MRPL44: variants seen among roughly 807,000 people sequenced by gnomAD.
The protein encoded by MRPL44 is large ribosomal subunit protein mL44.
A neutral mutation model predicts 25.9 loss-of-function variants in MRPL44; 21 were observed. The observed-to-expected ratio is 0.81, with a 90% confidence interval of 0.58 to 1.17. MRPL44 has a LOEUF of 1.17. Among genes scored for constraint, MRPL44 ranks in the 50% most tolerant of loss-of-function variants. MRPL44 has a pLI of 0.00. For synonymous variants in MRPL44, 169 were observed against 151.0 expected (o/e 1.12, Z -0.87); for missense variants, 410 against 398.9 (o/e 1.03, Z -0.24).
chr2:223,966,698 A>G (rs1689746320), intron 3 of MRPL44, among the ~76,000 whole-genome samples, 165 bp from the exon 4 acceptor site: 1 of 152,234 alleles, frequency 6.6e-6, no homozygotes. Flanking sequence ...ATGAACTTGC[A>G]ACAAATCTAG....
chr2:223,957,627 G>C lies in MRPL44; in HGVS notation c.155G>C (p.Arg52Pro), dbSNP rs1689592364. The change falls in exon 1 of 4, where the codon CGG becomes CCG. Residue 52 changes from arginine (R) to proline (P), a missense_variant. Arg to Pro is a moderately radical substitution (Grantham distance 103). Coordinates refer to ENST00000258383, the MANE Select transcript of MRPL44 (RefSeq NM_022915.5). ...GAGTTAGAGCGGCAGCGCCTTCTGC[G>C]GTGCCCGCCGCCGCCCGTGCGCCGG... is the stretch of plus-strand genomic sequence containing the variant. ...QKELERQRLL[R>P]CPPPPVRRSE... is the part of the protein sequence containing the mutation. The C allele has an allele frequency of 1.2e-6, 2 of 1,609,350 alleles. No homozygotes were observed. The highest frequency in any genetic ancestry group is 1.7e-5 in the Admixed American group (1 of 59,940).
At chr2:223,951,363 TGTG>T in the MRPL44 span, among the ~76,000 whole-genome samples, 4 of 152,208 alleles carry the variant, frequency 2.6e-5, no homozygotes, top group Non-Finnish European at 5.9e-5. Context: ...TAAGAAATTT[TGTG>T]GTGATTTCTT....
rs1213464838 is a variant in MRPL44, at chr2:223,957,531, T to C, written c.59T>C (p.Val20Ala). 6.2e-7 allele frequency: 1 copy of C among 1,614,098 alleles called. No homozygotes were observed. Among genetic ancestry groups the C allele is most frequent in the African/African-American group, 1.3e-5 (1 of 75,080 alleles). Residue 20 changes from valine (V) to alanine (A), a missense_variant, in exon 1 of 4, where the codon GTC becomes GCC. By Grantham distance (64) the Val-to-Ala change is moderately conservative. Transcript: ENST00000258383. ...GGACATCGCTGCCTCCTGGCTCCAGTCGCCCCCAAGCTGGTCCCTCCGGTT... is the reference window on the plus strand; with the variant it reads ...GGACATCGCTGCCTCCTGGCTCCAGCCGCCCCCAAGCTGGTCCCTCCGGTT... ...QQGHRCLLAP[V>A]APKLVPPVRG... is the part of the protein sequence containing the mutation.
chr2:223,964,617 CTT>C (rs1329381737), intron 3 of MRPL44, among the ~76,000 whole-genome samples: 6 of 152,120 alleles, frequency 3.9e-5, no homozygotes, highest in Non-Finnish European at 8.8e-5. Context: ...GTGAGATACT[CTT>C]TGTTACTTAC....
intron 3 of MRPL44, among the ~76,000 whole-genome samples, 182 bp from the exon 4 acceptor site, chr2:223,966,681 A>G (rs1465999774): frequency 2.0e-5 from 3 of 152,260 alleles, no homozygotes; most frequent in Non-Finnish European, 4.4e-5. Flanking sequence ...TCTAATTACC[A>G]TATGTAATGA....
intron 2 of MRPL44, 144 bp from the exon 3 acceptor site, chr2:223,963,612 C>A: frequency 2.1e-6 from 1 of 477,054 alleles, no homozygotes; most frequent in Non-Finnish European, 3.4e-6. Context: ...ACATTTTTGT[C>A]TTTCGTTTCC....
chr2:223,963,839 A>G lies in MRPL44; in HGVS notation c.732A>G (p.Glu244=). The stretch of plus-strand genomic sequence containing the variant: ...ATCCCATGGGGCTATTGGTAGAAGA[A>G]CTGAAGAAAAGGAATGTTTCAGCTC... ...IINPMGLLVE[E]LKKRNVSAPE... The change falls in exon 3 of 4, where the codon GAA becomes GAG. Residue 244 remains glutamate, a synonymous_variant. Coordinates refer to ENST00000258383, the MANE Select transcript of MRPL44 (RefSeq NM_022915.5). The G allele has an allele frequency of 6.2e-7, 1 of 1,614,012 alleles. No individual in the cohort carries two copies. Among genetic ancestry groups the G allele is most frequent in the Non-Finnish European group, 8.5e-7 (1 of 1,179,916 alleles).
upstream of MRPL44, chr2:223,957,432 C>T (rs780389864): frequency 1.6e-5 from 26 of 1,612,152 alleles, 1 homozygote; most frequent in Non-Finnish European, 2.1e-5. Context: ...GACACTGGCC[C>T]GACTACTTTC....
Position 223,967,036 on chromosome 2 carries a change from C to A in MRPL44, c.*2C>A. The A allele has an allele frequency of 6.2e-7, 1 of 1,603,562 alleles. No individual in the cohort carries two copies. The highest frequency in any genetic ancestry group is 1.1e-5 in the South Asian group (1 of 89,614). ...GAAAAGAGCATCACTGCCAGCTAGC[C>A]GCCATGGATGCAGCAGCCTGAAACT... is the stretch of plus-strand genomic sequence containing the variant. On this transcript the variant is annotated 3_prime_UTR_variant, in exon 4 of 4. Coordinates refer to ENST00000258383, the MANE Select transcript of MRPL44 (RefSeq NM_022915.5).
At chr2:223,966,727 T>G in intron 3 of MRPL44, 136 bp from the exon 4 acceptor site, 1 of 641,020 alleles carries the variant, frequency 1.6e-6, no homozygotes, top group Non-Finnish European at 2.5e-6. Context: ...CAAAAGATGA[T>G]CTATCAGAGC....
chr2:223,967,091 G>C lies in MRPL44; in HGVS notation c.*57G>C. ...AGCGAAAGTGAGATAAATGTCAAAG[G>C]TGTTTCAAGCCAGACATTTTCACAA... is the stretch of plus-strand genomic sequence containing the variant. On this transcript the variant is annotated 3_prime_UTR_variant, in exon 4 of 4. Coordinates refer to ENST00000258383, the MANE Select transcript of MRPL44 (RefSeq NM_022915.5). 6.8e-7 allele frequency: 1 copy of C among 1,473,212 alleles called. No individual in the cohort carries two copies. The highest frequency in any genetic ancestry group is 2.1e-5 in the Admixed American group (1 of 46,546). 91.3% of individuals were successfully genotyped at this position (1,473,212 alleles called of 1,614,324 possible).
At chr2:223,956,967 T>C (rs1395265634), upstream of MRPL44, among the ~76,000 whole-genome samples, 1 of 152,228 alleles carries the variant, frequency 6.6e-6, no homozygotes, top group Non-Finnish European at 1.5e-5. Flanking sequence ...CCAACATTTC[T>C]GAGTCTAGGG....
At chr2:223,952,398 T>G in the MRPL44 span, among the ~76,000 whole-genome samples, 1 of 152,238 alleles carries the variant, frequency 6.6e-6, no homozygotes, top group African/African-American at 2.4e-5. Flanking sequence ...TGGTACCATC[T>G]GTTCCCTTTG....
chr2:223,953,504 C>T (rs533190904), upstream of MRPL44, among the ~76,000 whole-genome samples: 39 of 152,312 alleles, frequency 2.6e-4, no homozygotes, highest in East Asian at 2.3e-3. Context: ...ACTTATAAAA[C>T]TTTTCAGTGT....
chr2:223,954,391 G>A (rs1172356468), upstream of MRPL44, among the ~76,000 whole-genome samples: 1 of 152,154 alleles, frequency 6.6e-6, no homozygotes, highest in Non-Finnish European at 1.5e-5. Context: ...GAACTTAGTG[G>A]CATAAAGCAA....
At chr2:223,960,728 A>G (rs1174315467) in intron 2 of MRPL44, among the ~76,000 whole-genome samples, 3 of 152,218 alleles carry the variant, frequency 2.0e-5, no homozygotes, top group Non-Finnish European at 4.4e-5. Context: ...CTGACACTTC[A>G]GGCTTTGTTC....
At position 223,966,803 on chromosome 2, in the gene MRPL44, T is replaced by TTTGTGTACTGTC. The variant is rs1333354978; in HGVS notation, c.828-57_828-46dup. On this transcript the variant is annotated intron_variant, in intron 3 of 3. Coordinates refer to ENST00000258383, the MANE Select transcript of MRPL44 (RefSeq NM_022915.5). Reference sequence around the variant, plus strand: ...GAAGGCATAATTGCTTTATAACTGCTTTGTGTACTGTCTTACAATATTCCA... The same window carrying TTTGTGTACTGTC: ...GAAGGCATAATTGCTTTATAACTGCTTTGTGTACTGTCTTGTGTACTGTCTTACAATATTCCA... 4.0e-6 allele frequency: 6 copies of TTTGTGTACTGTC among 1,483,030 alleles called. No individual in the cohort carries two copies. In the African/African-American group the frequency reaches 8.4e-5, roughly 21 times the overall value. 91.9% of individuals were successfully genotyped at this position (1,483,030 alleles called of 1,614,324 possible).
upstream of MRPL44, chr2:223,957,322 G>T: frequency 3.2e-6 from 3 of 930,538 alleles, no homozygotes; most frequent in South Asian, 1.5e-5. Flanking sequence ...GGCTGTCTCC[G>T]CCCCTGCCCT....
chr2:223,956,678 A>C (rs770181508), upstream of MRPL44, among the ~76,000 whole-genome samples: 3 of 152,260 alleles, frequency 2.0e-5, no homozygotes, highest in Non-Finnish European at 2.9e-5. Flanking sequence ...CACAGAAAGC[A>C]TTGCCCCTTT....
Sources: allele counts gnomAD v4.1 joint callset (sites outside exome capture counted in the v4.1 genomes callset), GRCh38; gene constraint gnomAD v4.1.1; transcripts MANE v1.5; gene names NCBI Gene and HGNC (gene_info 2026-07-23, HGNC 2026-07-21).